KIAA0319: variants seen among roughly 807,000 people sequenced by gnomAD.
KIAA0319 encodes the protein dyslexia-associated protein KIAA0319.
A neutral mutation model predicts 108.4 loss-of-function variants in KIAA0319; 83 were observed. The ratio of observed to expected loss-of-function variants is 0.77; its 90% CI spans 0.64 to 0.92. KIAA0319 has a LOEUF of 0.92. Among genes scored for constraint, KIAA0319 ranks in the 40% least tolerant of loss-of-function variants. KIAA0319 has a pLI of 0.00. For missense variants in KIAA0319, 1,195 were observed against 1,322.4 expected, an observed-to-expected ratio of 0.90 and a Z score of 1.49; for synonymous variants, 484 against 510.4, an observed-to-expected ratio of 0.95 and a Z score of 0.70.
rs1769457592 is a variant in KIAA0319 at position 24,595,866 on chromosome 6, C to T, written c.801+7G>A. On this transcript the variant is annotated splice_region_variant and intron_variant, in intron 3 of 20. Transcript: ENST00000378214. ...CCCACCCCCAAGCACATCCTGAACACACTCACCTCTTTTCCAGAGCTGTTG... is the reference window on the plus strand; with the variant it reads ...CCCACCCCCAAGCACATCCTGAACATACTCACCTCTTTTCCAGAGCTGTTG... 1.3e-6 allele frequency: 2 copies of T among 1,586,434 alleles called. No individual in the cohort carries two copies. The highest frequency in any genetic ancestry group is 2.2e-5 in the East Asian group (1 of 44,700).
intron 12 of KIAA0319, 69 bp downstream of exon 12, chr6:24,569,834 C>A (rs1326422093): frequency 3.9e-6 from 6 of 1,553,146 alleles, no homozygotes; most frequent in Admixed American, 1.9e-5. Context: ...TACTACAGAT[C>A]CTCCAGAGAA....
chr6:24,554,444 G>T, intron 19 of KIAA0319, 97 bp downstream of exon 19: 1 of 847,484 alleles, frequency 1.2e-6, no homozygotes, highest in Non-Finnish European at 2.0e-6. Context: ...ATAATAAACA[G>T]CTTAGTGGTT....
At chr6:24,632,249 C>A (rs930613504) in intron 1 of KIAA0319, among the ~76,000 whole-genome samples, 1 of 152,168 alleles carries the variant, frequency 6.6e-6, no homozygotes, top group Non-Finnish European at 1.5e-5. Context: ...TATAATAGTT[C>A]TTTGTATCAC....
At chr6:24,582,206 G>A (rs764301293) in intron 6 of KIAA0319, 43 bp downstream of exon 6, 45 of 1,102,150 alleles carry the variant, frequency 4.1e-5, no homozygotes, top group Middle Eastern at 2.0e-4. Context: ...GCTCTATGCC[G>A]TTACGCTGTG....
chr6:24,609,791 T>C (rs1772035463), intron 1 of KIAA0319, among the ~76,000 whole-genome samples: 1 of 151,968 alleles, frequency 6.6e-6, no homozygotes, highest in Admixed American at 6.6e-5. Flanking sequence ...TACAAGAAAC[T>C]ATGAGCCTGA....
intron 10 of KIAA0319, among the ~76,000 whole-genome samples, chr6:24,573,772 A>G (rs1765067143): frequency 6.6e-6 from 1 of 152,120 alleles, no homozygotes; most frequent in African/African-American, 2.4e-5. Context: ...CTTTTTTATT[A>G]TTATTTTTTT....
intron 13 of KIAA0319, among the ~76,000 whole-genome samples, chr6:24,567,800 T>G (rs1291845659): frequency 1.3e-5 from 2 of 152,058 alleles, no homozygotes; most frequent in East Asian, 3.9e-4. Context: ...TGGGGTACAG[T>G]GGGGAGATCA....
chr6:24,582,841 A>G lies in KIAA0319; in HGVS notation c.1094-495T>C, dbSNP rs113388933. 6.0e-3 allele frequency among the ~76,000 whole-genome samples: 906 copies of G among 152,250 alleles called. 6 individuals are homozygous for G. Among genetic ancestry groups the G allele is most frequent in the African/African-American group, 0.015 (622 of 41,548 alleles). On this transcript the variant is annotated intron_variant, in intron 5 of 20. Coordinates refer to ENST00000378214, the MANE Select transcript of KIAA0319 (RefSeq NM_014809.4). ...GTTGTAGGGGTTTATTTAAGGACAC[A>G]AAAACAGTATAAACATGTCTATGTT...
chr6:24,627,641 G>A (rs1463892156), intron 1 of KIAA0319, among the ~76,000 whole-genome samples: 1 of 152,148 alleles, frequency 6.6e-6, no homozygotes, highest in Non-Finnish European at 1.5e-5. Context: ...GCAGAATAAA[G>A]AAATGAACAC....
rs1470158853 is a variant in KIAA0319, at chr6:24,646,130, G to A, written c.-500C>T. 1 of 152,196 alleles carries A rather than the reference G, an allele frequency of 6.6e-6. No homozygotes were observed. The highest frequency in any genetic ancestry group is 1.5e-5 in the Non-Finnish European group (1 of 68,080). The allele number at this position is 152,196 out of a possible 1,614,324, so 9.4% of individuals were successfully genotyped here. A position where few individuals can be genotyped will look rare whatever the true frequency, so the allele number is the denominator to read the frequency against. ...GTGGAGCAAGGTTGCACCCCCGGGGGATCCCCGCCCACCGCCCGCGGCAGC... is the reference window on the plus strand; with the variant it reads ...GTGGAGCAAGGTTGCACCCCCGGGGAATCCCCGCCCACCGCCCGCGGCAGC... On this transcript the variant is annotated 5_prime_UTR_variant, in exon 1 of 21. Transcript: ENST00000378214.
chr6:24,608,640 C>T (rs573499000), intron 1 of KIAA0319, among the ~76,000 whole-genome samples: 2 of 152,072 alleles, frequency 1.3e-5, no homozygotes, highest in East Asian at 1.9e-4. Flanking sequence ...GATTAAAAAT[C>T]GCATGTCAGG....
At chr6:24,632,199 T>A (rs730860) in intron 1 of KIAA0319, among the ~76,000 whole-genome samples, 49,500 of 152,160 alleles carry the variant, frequency 0.33, 9,657 homozygotes, top group East Asian at 0.7. Context: ...ATAAGTGGTT[T>A]ATAATATTCA....
chr6:24,567,643 A>G (rs953418575), intron 13 of KIAA0319, among the ~76,000 whole-genome samples: 2 of 152,180 alleles, frequency 1.3e-5, no homozygotes, highest in Admixed American at 6.5e-5. Context: ...TGAGGCTGCA[A>G]TGAGCTATGA....
At chr6:24,640,747 G>T (rs1776807941) in intron 1 of KIAA0319, among the ~76,000 whole-genome samples, 2 of 151,854 alleles carry the variant, frequency 1.3e-5, no homozygotes, top group South Asian at 4.2e-4. Context: ...CAACCTCCTG[G>T]GCTCAAATGA....
At position 24,579,410 on chromosome 6, in the gene KIAA0319, A is replaced by ATATATATATATATATATAT. The variant is rs1561981471; in HGVS notation, c.1372+447_1372+448insATATATATATATATATATA. On this transcript the variant is annotated intron_variant, in intron 8 of 20. Transcript: ENST00000378214. ...CAGGTCACGGGAGCTCCTCTATATA[A>ATATATATATATATATATAT]AGATATATATATATATATATATCTT... Among the ~76,000 whole-genome samples, 325 of 87,904 alleles carry ATATATATATATATATATAT rather than the reference A, an allele frequency of 3.7e-3. 13 individuals are homozygous for ATATATATATATATATATAT. The highest frequency in any genetic ancestry group is 0.017 in the African/African-American group (278 of 15,904). The allele number at this position is 87,904 out of a possible 152,430, so 57.7% of individuals were successfully genotyped here.
intron 9 of KIAA0319, among the ~76,000 whole-genome samples, chr6:24,577,424 C>T (rs1218597805): frequency 7.9e-5 from 12 of 152,198 alleles, no homozygotes; most frequent in Non-Finnish European, 1.5e-5. Flanking sequence ...CGAACCAATG[C>T]TCAACCTCTG....
chr6:24,542,386 C>A (rs552802083), downstream of KIAA0319, among the ~76,000 whole-genome samples: 2 of 152,264 alleles, frequency 1.3e-5, no homozygotes, highest in South Asian at 4.1e-4. Context: ...TTGAAAGAGC[C>A]AATCCTTTAA....
downstream of KIAA0319, among the ~76,000 whole-genome samples, chr6:24,540,938 C>G (rs1000828220): frequency 2.1e-5 from 3 of 144,276 alleles, no homozygotes; most frequent in African/African-American, 7.5e-5. Flanking sequence ...TATGTGCACT[C>G]ATTTGTATGT....
chr6:24,581,147 T>A lies in KIAA0319; in HGVS notation c.1192-134A>T, dbSNP rs59838651. 4,054 of 653,314 alleles carry A rather than the reference T, an allele frequency of 6.2e-3. 61 individuals are homozygous for A. The highest frequency in any genetic ancestry group is 0.038 in the African/African-American group (2,055 of 54,260). 40.5% of individuals were successfully genotyped at this position (653,314 alleles called of 1,614,324 possible). A position where few individuals can be genotyped will look rare whatever the true frequency, so the allele number is the denominator to read the frequency against. Reference sequence around the variant, plus strand: ...GAAGGGGCTCAGGAGACAGTCTCATTTGGATCTGTCAAGAGGCTGCCGCAT... The same window carrying A: ...GAAGGGGCTCAGGAGACAGTCTCATATGGATCTGTCAAGAGGCTGCCGCAT... On this transcript the variant is annotated intron_variant, in intron 6 of 20. Transcript: ENST00000378214.
Sources: allele counts gnomAD v4.1 joint callset (sites outside exome capture counted in the v4.1 genomes callset), GRCh38; gene constraint gnomAD v4.1.1; transcripts MANE v1.5; gene names NCBI Gene and HGNC (gene_info 2026-07-23, HGNC 2026-07-21).